The following EIF4G3 variants were observed in gnomAD, a reference collection of about 807,000 sequenced individuals.
The protein encoded by EIF4G3 is eIF-4-gamma 3.
EIF4G3 carries 34 observed loss-of-function variants against 186.4 expected under a neutral mutation model. The ratio of observed to expected loss-of-function variants is 0.18; its 90% CI spans 0.14 to 0.24. The LOEUF is 0.24. Ranked by LOEUF, EIF4G3 falls within the 10% of genes least tolerant of loss-of-function variation. The pLI is 1.00. For missense variants in EIF4G3, 1,536 were observed against 1,948.5 expected (o/e 0.79, Z 3.99); for synonymous variants, 673 against 679.5 (o/e 0.99, Z 0.15).
At chr1:20,921,833 T>G (rs537400471) in intron 14 of EIF4G3, among the ~76,000 whole-genome samples, 1 of 152,304 alleles carries the variant, frequency 6.6e-6, no homozygotes, top group East Asian at 1.9e-4. Flanking sequence ...AGGTCCAGTG[T>G]GTATTTTGAC....
chr1:20,864,786 G>A lies in EIF4G3; in HGVS notation c.2770-74C>T, dbSNP rs943666151. On this transcript the variant is annotated intron_variant, in intron 21 of 36. Coordinates refer to ENST00000602326, the MANE Select transcript of EIF4G3 (RefSeq NM_001391906.1). ...GCACAATAAACACTGAGATTCATGG[G>A]GTCAGAATCCCCGTGAGAATCTGAT... The A allele has an allele frequency of 8.1e-6, 10 of 1,234,044 alleles. No homozygotes were observed. The African/African-American group carries it at 1.5e-4, about 18-fold the overall frequency. 76.4% of individuals were successfully genotyped at this position (1,234,044 alleles called of 1,614,324 possible).
intron 20 of EIF4G3, among the ~76,000 whole-genome samples, chr1:20,875,152 TA>T (rs1322325390): frequency 6.6e-6 from 1 of 152,158 alleles, no homozygotes; most frequent in Non-Finnish European, 1.5e-5. Context: ...GCTCATTTTT[TA>T]ATTTTTTATT....
chr1:20,975,220 T>G (rs974018657), intron 10 of EIF4G3, among the ~76,000 whole-genome samples: 3 of 152,182 alleles, frequency 2.0e-5, no homozygotes, highest in African/African-American at 7.2e-5. Context: ...TTAGCAATTA[T>G]GTGCTACTTT....
intron 2 of EIF4G3, among the ~76,000 whole-genome samples, chr1:21,125,800 ACACACT>A (rs869301646): frequency 1.6e-5 from 2 of 125,432 alleles, no homozygotes; most frequent in African/African-American, 5.5e-5. Context: ...ACACACACAC[ACACACT>A]CTTATTAGGC....
chr1:21,112,746 T>A (rs7535895), intron 2 of EIF4G3, among the ~76,000 whole-genome samples: 56,214 of 152,004 alleles, frequency 0.37, 11,027 homozygotes, highest in Non-Finnish European at 0.43. Flanking sequence ...AAGGAAAGCA[T>A]GTTATAATAA....
At chr1:20,891,165 A>G (rs916489265) in intron 18 of EIF4G3, among the ~76,000 whole-genome samples, 1 of 152,246 alleles carries the variant, frequency 6.6e-6, no homozygotes, top group Non-Finnish European at 1.5e-5. Flanking sequence ...TATTTTCAAT[A>G]ATTTAAAAGA....
At chr1:20,828,038 T>TG (rs1231925295) in intron 31 of EIF4G3, among the ~76,000 whole-genome samples, 141 of 149,068 alleles carry the variant, frequency 9.5e-4, no homozygotes, top group African/African-American at 3.4e-3. Flanking sequence ...AGTTTTTTTT[T>TG]TTTTTTTTTT....
intron 2 of EIF4G3, among the ~76,000 whole-genome samples, chr1:21,157,091 A>C (rs1034535943): frequency 6.6e-6 from 1 of 152,158 alleles, no homozygotes; most frequent in Non-Finnish European, 1.5e-5. Flanking sequence ...TAAATTATAC[A>C]GTTAGATATC....
At chr1:20,982,910 G>A (rs759725864) in intron 7 of EIF4G3, among the ~76,000 whole-genome samples, 1 of 152,120 alleles carries the variant, frequency 6.6e-6, no homozygotes, top group South Asian at 2.1e-4. Context: ...AACTAATCAG[G>A]TATATAAGAG....
At chr1:20,933,729 G>A (rs1453621432) in intron 14 of EIF4G3, among the ~76,000 whole-genome samples, 1 of 152,100 alleles carries the variant, frequency 6.6e-6, no homozygotes, top group African/African-American at 2.4e-5. Context: ...GACTCAAAAG[G>A]GAGGTTCGTC....
chr1:20,942,130 C>T lies in EIF4G3; in HGVS notation c.1024G>A (p.Ala342Thr). 1 of 1,614,022 alleles carries T rather than the reference C, an allele frequency of 6.2e-7. No individual in the cohort carries two copies. The highest frequency in any genetic ancestry group is 1.1e-5 in the South Asian group (1 of 91,068). ...GTGAATATTGGTTGGCTACTAAGAGCAGAAGAGGTGGGGGCTGCAATTGTA... is the reference window on the plus strand; with the variant it reads ...GTGAATATTGGTTGGCTACTAAGAGTAGAAGAGGTGGGGGCTGCAATTGTA... The part of the protein sequence containing the change: ...RSTIAAPTSS[A>T]LSSQPIFTTA... The change falls in exon 14 of 37, where the codon GCT becomes ACT. Residue 342 changes from alanine to threonine, a missense_variant. Physicochemically the swap from Ala to Thr is moderately conservative, Grantham distance 58. Around this residue, in one of 11 missense-constraint regions of EIF4G3, gnomAD observed 560 missense variants for 547.8 expected, o/e 1.02. Transcript: ENST00000602326.
chr1:21,176,854 C>T lies in EIF4G3; in HGVS notation c.-588G>A, dbSNP rs1218326558. 3 of 700,830 alleles carry T rather than the reference C, an allele frequency of 4.3e-6. No individual in the cohort carries two copies. Among genetic ancestry groups the T allele is most frequent in the African/African-American group, 1.8e-5 (1 of 57,084 alleles). The allele number at this position is 700,830 out of a possible 1,614,324, so 43.4% of individuals were successfully genotyped here. ...TTCTTCACTCAACGAGCAGAGCATC[C>T]AACATGGCGCTGTGGCCGCCTCCAG... is the stretch of plus-strand genomic sequence containing the variant. On this transcript the variant is annotated 5_prime_UTR_variant, in exon 1 of 37. Coordinates refer to ENST00000602326, the MANE Select transcript of EIF4G3 (RefSeq NM_001391906.1).
chr1:21,006,220 C>T (rs1266127800), intron 4 of EIF4G3, among the ~76,000 whole-genome samples: 1 of 152,172 alleles, frequency 6.6e-6, no homozygotes, highest in Admixed American at 6.5e-5. Context: ...CATTTAATGA[C>T]TTATTCTAGA....
chr1:21,103,209 G>GCTGAACTCTACT (rs975641046), intron 2 of EIF4G3, among the ~76,000 whole-genome samples: 9 of 152,136 alleles, frequency 5.9e-5, no homozygotes, highest in Non-Finnish European at 1.0e-4. Context: ...CATCTGGTCA[G>GCTGAACTCTACT]CTGAACTCTA....
intron 14 of EIF4G3, among the ~76,000 whole-genome samples, chr1:20,918,368 C>T (rs1293330470): frequency 6.6e-6 from 1 of 152,016 alleles, no homozygotes; most frequent in African/African-American, 2.4e-5. Context: ...CACCAGCACA[C>T]TTTGCTAATT....
chr1:20,906,448 A>C (rs2092118873), intron 14 of EIF4G3, among the ~76,000 whole-genome samples: 1 of 152,126 alleles, frequency 6.6e-6, no homozygotes, highest in Non-Finnish European at 1.5e-5. Flanking sequence ...CATTTGTATG[A>C]ATTTAGCTCT....
At chr1:21,041,222 T>C (rs2093560341) in intron 4 of EIF4G3, among the ~76,000 whole-genome samples, 1 of 152,190 alleles carries the variant, frequency 6.6e-6, no homozygotes, top group East Asian at 1.9e-4. Flanking sequence ...TCTGCAGTTA[T>C]TAATCTCTAG....
chr1:20,866,619 T>G (rs912335344), intron 20 of EIF4G3, among the ~76,000 whole-genome samples: 1 of 151,914 alleles, frequency 6.6e-6, no homozygotes, highest in East Asian at 1.9e-4. Context: ...AAGCAAGAGT[T>G]TTCCAAAGCA....
rs1468473851 is a variant in EIF4G3, at chr1:20,899,745, C to G, written c.1951G>C (p.Gly651Arg). The change falls in exon 16 of 37, where the codon GGC (glycine) becomes CGC (arginine). Residue 651 changes from glycine (G) to arginine (R), a missense_variant. Gly to Arg is a moderately radical substitution (Grantham distance 125, BLOSUM62 -2). This residue lies in a region of EIF4G3 where 560 missense variants were observed against 547.8 expected (regional missense o/e 1.02). Transcript: ENST00000602326. ...CCATCACCAGAACTATCTGTGGAGC[C>G]TGAATTAGCATCTATTCCTTCACCC... Reference protein sequence around the residue: ...SEGEGIDANSGSTDSSGDGVT... With the variant: ...SEGEGIDANSRSTDSSGDGVT... 1 of 1,614,146 alleles carries G rather than the reference C, an allele frequency of 6.2e-7. No homozygotes were observed. Among genetic ancestry groups the G allele is most frequent in the East Asian group, 2.2e-5 (1 of 44,878 alleles).
Sources: gnomAD v4.1 joint callset for allele counts (sites outside exome capture counted in the v4.1 genomes callset) on GRCh38, gnomAD v4.1.1 for gene constraint, gnomAD v4.1.1 regional missense constraint, MANE v1.5 for transcripts, NCBI Gene and HGNC (gene_info 2026-07-23, HGNC 2026-07-21) for gene names.